ADGRL2: variants seen among roughly 807,000 people sequenced by gnomAD.
ADGRL2 encodes the protein calcium-independent alpha-latrotoxin receptor 2.
Under a neutral mutation model 157.4 loss-of-function variants are expected in ADGRL2, and 44 were observed. The observed-to-expected ratio is 0.28, with a 90% CI of 0.22 to 0.36. The LOEUF (loss-of-function observed/expected upper bound fraction) is 0.36, where lower values mean the gene tolerates loss of function less well. Ranked by LOEUF, ADGRL2 falls within the 10% of genes least tolerant of loss-of-function variation. ADGRL2 has a pLI of 1.00. For synonymous variants in ADGRL2, 585 were observed against 624.7 expected, an observed-to-expected ratio of 0.94 and a Z score of 0.95; for missense variants, 1,510 against 1,768.9, an observed-to-expected ratio of 0.85 and a Z score of 2.63.
intron 1 of ADGRL2, among the ~76,000 whole-genome samples, chr1:81,827,326 C>T (rs1435363013): frequency 1.3e-5 from 2 of 152,092 alleles, no homozygotes; most frequent in Non-Finnish European, 2.9e-5. Context: ...AGTTTGAAGC[C>T]ACTTTTACCA....
At chr1:81,968,538 T>C (rs780264093) in intron 14 of ADGRL2, among the ~76,000 whole-genome samples, 5 of 152,172 alleles carry the variant, frequency 3.3e-5, no homozygotes, top group Non-Finnish European at 7.3e-5. Flanking sequence ...CCATCTTGAA[T>C]GTTCGAATCT....
intron 2 of ADGRL2, among the ~76,000 whole-genome samples, chr1:81,533,021 G>A (rs997367955): frequency 1.3e-5 from 2 of 151,630 alleles, no homozygotes; most frequent in Non-Finnish European, 2.9e-5. Context: ...ACATACTTCT[G>A]TACTGTAACA....
At chr1:81,405,816 A>G (rs1015762694) in intron 1 of ADGRL2, among the ~76,000 whole-genome samples, 3 of 152,136 alleles carry the variant, frequency 2.0e-5, no homozygotes, top group African/African-American at 7.2e-5. Flanking sequence ...TAAATATGAC[A>G]TGTAAAGGAA....
At chr1:81,361,361 T>C (rs1159618978) in intron 1 of ADGRL2, among the ~76,000 whole-genome samples, 1 of 151,968 alleles carries the variant, frequency 6.6e-6, no homozygotes, top group Non-Finnish European at 1.5e-5. Context: ...GGGTTTGGGC[T>C]ACATTCTTGC....
intron 1 of ADGRL2, among the ~76,000 whole-genome samples, chr1:81,386,770 T>C (rs1450351655): frequency 6.6e-6 from 1 of 152,178 alleles, no homozygotes; most frequent in Non-Finnish European, 1.5e-5. Context: ...ACTTTCAAAT[T>C]GCACCCTATT....
At chr1:81,398,056 A>G (rs953960766) in intron 1 of ADGRL2, among the ~76,000 whole-genome samples, 3 of 152,266 alleles carry the variant, frequency 2.0e-5, no homozygotes, top group South Asian at 4.1e-4. Flanking sequence ...ATCCCTTTAT[A>G]TAATGACCTT....
intron 3 of ADGRL2, among the ~76,000 whole-genome samples, chr1:81,694,759 C>T (rs1030907531): frequency 1.3e-5 from 2 of 152,136 alleles, no homozygotes; most frequent in East Asian, 3.9e-4. Flanking sequence ...TAATGAATTA[C>T]TGTAATGCTA....
At chr1:81,884,268 C>T (rs1025667493) in intron 2 of ADGRL2, among the ~76,000 whole-genome samples, 3 of 152,322 alleles carry the variant, frequency 2.0e-5, no homozygotes, top group African/African-American at 7.2e-5. Flanking sequence ...AGCCACCGCG[C>T]CCATCCCAAA....
intron 3 of ADGRL2, among the ~76,000 whole-genome samples, chr1:81,680,227 AG>A (rs1200948802): frequency 6.6e-6 from 1 of 152,128 alleles, no homozygotes; most frequent in Admixed American, 6.5e-5. Flanking sequence ...GCTCAATCTC[AG>A]GGGGCAGCTG....
chr1:81,458,923 G>A (rs896132317), intron 2 of ADGRL2, among the ~76,000 whole-genome samples: 4 of 152,136 alleles, frequency 2.6e-5, no homozygotes, highest in Non-Finnish European at 5.9e-5. Context: ...CCACCAGAAG[G>A]AATAAGGTAT....
intron 2 of ADGRL2, among the ~76,000 whole-genome samples, chr1:81,473,071 T>A (rs2078203812): frequency 6.7e-6 from 1 of 150,242 alleles, no homozygotes; most frequent in South Asian, 2.1e-4. Context: ...AAATTAGAGA[T>A]AGAGGGAGGG....
At position 81,991,086 on chromosome 1, in the gene ADGRL2, G is replaced by T. The variant is rs766646868; in HGVS notation, c.4351G>T (p.Gly1451Trp). ...TTATATAATCCCCATTAACAAAGAA[G>T]GGTGTATTCCAGAAGGAGATGTTAG... Reference protein sequence around the residue: ...DGYIIPINKEGCIPEGDVREG... With the variant: ...DGYIIPINKEWCIPEGDVREG... Residue 1451 changes from glycine to tryptophan, a missense_variant, in exon 24 of 24, where the codon GGG becomes TGG. Transcript: ENST00000686636. 6.2e-7 allele frequency: 1 copy of T among 1,612,960 alleles called. No homozygotes were observed. The highest frequency in any genetic ancestry group is 8.5e-7 in the Non-Finnish European group (1 of 1,179,508).
rs375748710 is a variant in ADGRL2 at position 81,943,402 on chromosome 1, C to T, written c.843C>T (p.Tyr281=). ...AVDENGLWVI[Y]ATEQNNGMIV... is the part of the protein sequence containing the mutation. ...ATGAAAATGGTTTATGGGTCATTTA[C>T]GCCACTGAACAGAACAATGGAATGA... is the stretch of plus-strand genomic sequence containing the variant. The change falls in exon 6 of 24, where the codon TAC becomes TAT. Residue 281 remains tyrosine, a synonymous_variant. Transcript: ENST00000686636. The surrounding 1 kb of genome is among the most constrained non-coding windows in gnomAD (Gnocchi z 5.6). 1.2e-5 allele frequency: 19 copies of T among 1,613,652 alleles called. No individual in the cohort carries two copies. Among genetic ancestry groups the T allele is most frequent in the South Asian group, 8.8e-5 (8 of 91,078 alleles).
At chr1:81,436,366 T>C (rs558631364) in intron 1 of ADGRL2, among the ~76,000 whole-genome samples, 4 of 152,330 alleles carry the variant, frequency 2.6e-5, no homozygotes, top group Non-Finnish European at 5.9e-5. Context: ...GTGGCAACAC[T>C]CAAATAACAT....
At chr1:81,908,390 T>C (rs539894788) in intron 3 of ADGRL2, among the ~76,000 whole-genome samples, 12 of 152,352 alleles carry the variant, frequency 7.9e-5, no homozygotes, top group Admixed American at 2.0e-4. Context: ...CTTAGTAATA[T>C]GCTTTTACAT....
At chr1:81,350,694 A>G (rs1345918496) in intron 1 of ADGRL2, among the ~76,000 whole-genome samples, 2 of 152,186 alleles carry the variant, frequency 1.3e-5, no homozygotes, top group Non-Finnish European at 2.9e-5. Flanking sequence ...CAGGGTTGTG[A>G]TACTTGACAG....
At chr1:81,523,028 A>G (rs1480029187) in intron 2 of ADGRL2, among the ~76,000 whole-genome samples, 5 of 149,392 alleles carry the variant, frequency 3.3e-5, no homozygotes, top group Non-Finnish European at 7.4e-5. Flanking sequence ...TGGCTTCTCA[A>G]TGGCAACACA....
At chr1:81,423,271 T>C (rs1452658217) in intron 1 of ADGRL2, among the ~76,000 whole-genome samples, 1 of 152,196 alleles carries the variant, frequency 6.6e-6, no homozygotes, top group Non-Finnish European at 1.5e-5. Context: ...TTTAGGATTA[T>C]ATAGGACTGT....
chr1:81,352,423 T>C (rs1188100084), intron 1 of ADGRL2, among the ~76,000 whole-genome samples: 2 of 152,212 alleles, frequency 1.3e-5, no homozygotes, highest in East Asian at 3.9e-4. Context: ...GCTTAAACTC[T>C]AGCTGTGAAA....
Sources: gnomAD v4.1 joint callset for allele counts (sites outside exome capture counted in the v4.1 genomes callset) on GRCh38, gnomAD v4.1.1 for gene constraint, Gnocchi (gnomAD v3.1) non-coding constraint, MANE v1.5 for transcripts, NCBI Gene and HGNC (gene_info 2026-07-23, HGNC 2026-07-21) for gene names.